Variants in NRG2 observed in about 807,000 individuals in gnomAD.
The protein encoded by NRG2 is neuregulin 2.
In NRG2, 27 loss-of-function variants were observed where a neutral mutation model predicts 73.9. The ratio of observed to expected loss-of-function variants is 0.37; its 90% CI spans 0.27 to 0.50. The LOEUF (loss-of-function observed/expected upper bound fraction) is 0.50, where lower values mean the gene tolerates loss of function less well. Among genes scored for constraint, NRG2 ranks in the 20% least tolerant of loss-of-function variants. The probability of loss-of-function intolerance (pLI) is 0.96; values close to 1 mark genes in which losing one functional copy is unlikely to be tolerated. For missense variants in NRG2, 1,126 were observed against 1,210.1 expected (o/e 0.93, Z 1.03); for synonymous variants, 532 against 541.0 (o/e 0.98, Z 0.23).
intron 1 of NRG2, among the ~76,000 whole-genome samples, chr5:139,989,389 A>G (rs1757403210): frequency 6.6e-6 from 1 of 151,880 alleles, no homozygotes; most frequent in Non-Finnish European, 1.5e-5. Context: ...CTAGCTAACC[A>G]TTTGTTTAAA....
chr5:139,978,906 T>C (rs1275586630), intron 1 of NRG2, among the ~76,000 whole-genome samples: 2 of 151,680 alleles, frequency 1.3e-5, no homozygotes, highest in Non-Finnish European at 2.9e-5. Context: ...TATGCAGCCA[T>C]AAAAAATGAT....
intron 2 of NRG2, among the ~76,000 whole-genome samples, chr5:139,882,467 T>C (rs1266043390): frequency 6.6e-6 from 1 of 152,210 alleles, no homozygotes; most frequent in Non-Finnish European, 1.5e-5. Context: ...ATATTCTTCC[T>C]GGCTCAAGCT....
At chr5:139,978,851 A>G (rs1198708291) in intron 1 of NRG2, among the ~76,000 whole-genome samples, 1 of 151,980 alleles carries the variant, frequency 6.6e-6, no homozygotes, top group African/African-American at 2.4e-5. Context: ...TCCATCAATG[A>G]TAGACTGGAT....
At chr5:140,020,161 T>C (rs910550579) in intron 1 of NRG2, among the ~76,000 whole-genome samples, 1 of 152,134 alleles carries the variant, frequency 6.6e-6, no homozygotes, top group African/African-American at 2.4e-5. Flanking sequence ...ACTCAAAAGG[T>C]GGAAAGTCCA....
At chr5:140,015,790 T>C (rs962438365) in intron 1 of NRG2, among the ~76,000 whole-genome samples, 4 of 152,172 alleles carry the variant, frequency 2.6e-5, no homozygotes, top group African/African-American at 4.8e-5. Context: ...ACTGCACAGG[T>C]AGAGTTTCCA....
rs1306815129 is a variant in NRG2, at chr5:139,853,094, A to C, written c.1293-67T>G. The C allele has an allele frequency of 6.2e-7, 1 of 1,601,538 alleles. No individual in the cohort carries two copies. Among genetic ancestry groups the C allele is most frequent in the Non-Finnish European group, 8.5e-7 (1 of 1,174,286 alleles). On this transcript the variant is annotated intron_variant, in intron 6 of 9. Coordinates refer to ENST00000361474, the MANE Select transcript of NRG2 (RefSeq NM_004883.3). This position sits in a 1 kb window ranked among gnomAD's most constrained non-coding sequence, Gnocchi z 4.1. ...TCGCCAACGATGAACTTCCCTAGCT[A>C]TCTCTCTAGGGAAACAGCTTTTCCT...
chr5:139,871,635 AC>A (rs1194314136), intron 4 of NRG2, 85 bp downstream of exon 4: 41 of 1,554,280 alleles, frequency 2.6e-5, no homozygotes, highest in East Asian at 2.3e-5. Context: ...GTGGCTTGGA[AC>A]CCTCTTTTCC....
At chr5:139,956,395 A>C (rs1313272814) in intron 1 of NRG2, among the ~76,000 whole-genome samples, 6 of 148,804 alleles carry the variant, frequency 4.0e-5, no homozygotes, top group African/African-American at 1.2e-4. Flanking sequence ...GGCCCTACCT[A>C]CATGAAGTAC....
chr5:139,899,782 C>T (rs1244431131), intron 1 of NRG2, among the ~76,000 whole-genome samples: 1 of 152,208 alleles, frequency 6.6e-6, no homozygotes, highest in Non-Finnish European at 1.5e-5. Context: ...AACAGAGATC[C>T]TCTGCCTCTC....
In NRG2 at chr5:140,043,242, T is replaced by TGCGCAGCGCGGCGCA. The variant is rs1241021422; in HGVS notation, c.-188_-174dup. 6 of 633,052 alleles carry TGCGCAGCGCGGCGCA rather than the reference T, an allele frequency of 9.5e-6. No homozygotes were observed. Among genetic ancestry groups the TGCGCAGCGCGGCGCA allele is most frequent in the South Asian group, 2.1e-5 (1 of 48,612 alleles). The allele number at this position is 633,052 out of a possible 1,614,324, so 39.2% of individuals were successfully genotyped here. A position where few individuals can be genotyped will look rare whatever the true frequency, so the allele number is the denominator to read the frequency against. On this transcript the variant is annotated 5_prime_UTR_variant, in exon 1 of 10. Coordinates refer to ENST00000361474, the MANE Select transcript of NRG2 (RefSeq NM_004883.3). This position sits in a 1 kb window ranked among gnomAD's most constrained non-coding sequence, Gnocchi z 6.7. ...GGGGCAGGCGGCAAGCGGGCCGCGA[T>TGCGCAGCGCGGCGCA]GCGCAGCGCGGCGCAGCGCAGCGCT...
Position 139,911,386 on chromosome 5 carries a change from G to C in NRG2, c.701-23875C>G, listed in dbSNP as rs118147969. On this transcript the variant is annotated intron_variant, in intron 1 of 9. Transcript: ENST00000361474. ...GGGGAAGGACTGGGAGTAGAGGAGC[G>C]GATGACCCCCAGGCCCAAGAGGAAG... Among the ~76,000 whole-genome samples, 99 of 152,240 alleles carry C rather than the reference G, an allele frequency of 6.5e-4. 1 individual carries two copies. In the East Asian group the frequency reaches 0.017, roughly 27 times the overall value.
intron 5 of NRG2, among the ~76,000 whole-genome samples, chr5:139,861,946 C>T (rs148379788): frequency 7.2e-5 from 11 of 152,298 alleles, no homozygotes; most frequent in East Asian, 1.9e-4. Context: ...CCCCACTTTC[C>T]GACGAGGTGG....
At chr5:139,928,547 T>C (rs1752235313) in intron 1 of NRG2, among the ~76,000 whole-genome samples, 1 of 152,156 alleles carries the variant, frequency 6.6e-6, no homozygotes, top group South Asian at 2.1e-4. Context: ...TGGGCAGGCA[T>C]TGGCCATCTA....
At chr5:139,935,802 A>C (rs1752804864) in intron 1 of NRG2, among the ~76,000 whole-genome samples, 1 of 152,042 alleles carries the variant, frequency 6.6e-6, no homozygotes, top group Non-Finnish European at 1.5e-5. Context: ...TCTAGTAAAA[A>C]TACAAAAATT....
intron 1 of NRG2, among the ~76,000 whole-genome samples, chr5:139,943,935 T>C (rs1361143493): frequency 6.6e-6 from 1 of 152,218 alleles, no homozygotes; most frequent in Non-Finnish European, 1.5e-5. Context: ...GGCTATGCAT[T>C]CTAATAAAAC....
At chr5:139,948,154 T>C (rs941399273) in intron 1 of NRG2, among the ~76,000 whole-genome samples, 30 of 152,200 alleles carry the variant, frequency 2.0e-4, no homozygotes, top group Non-Finnish European at 4.4e-5. Flanking sequence ...CTCATATCAA[T>C]AGAATTAATG....
intron 1 of NRG2, among the ~76,000 whole-genome samples, chr5:139,900,853 G>T (rs537394843): frequency 2.2e-4 from 34 of 152,326 alleles, no homozygotes; most frequent in African/African-American, 7.7e-4. Context: ...GCACCAAGGG[G>T]AAGAAGGCAG....
At chr5:140,034,258 C>A (rs918950939) in intron 1 of NRG2, among the ~76,000 whole-genome samples, 3 of 152,162 alleles carry the variant, frequency 2.0e-5, no homozygotes, top group Non-Finnish European at 4.4e-5. Flanking sequence ...CCATGCCCGG[C>A]CACAAAAGAT....
intron 1 of NRG2, among the ~76,000 whole-genome samples, chr5:140,019,215 C>T (rs1409734718): frequency 6.6e-6 from 1 of 152,178 alleles, no homozygotes; most frequent in Non-Finnish European, 1.5e-5. Context: ...GCAGCATTGA[C>T]CTGAATCAGA....
Sources: gnomAD v4.1 joint callset for allele counts (sites outside exome capture counted in the v4.1 genomes callset) on GRCh38, gnomAD v4.1.1 for gene constraint, Gnocchi (gnomAD v3.1) non-coding constraint, MANE v1.5 for transcripts, NCBI Gene and HGNC (gene_info 2026-07-23, HGNC 2026-07-21) for gene names.